Variants in ELFN1 observed in about 807,000 individuals in gnomAD.
ELFN1 encodes extracellular leucine rich repeat and fibronectin type III domain containing 1, also known as protein ELFN1.
ELFN1 carries 6 observed loss-of-function variants against 7.6 expected under a neutral mutation model. The ratio of observed to expected loss-of-function variants is 0.79; its 90% CI spans 0.43 to 1.56. The LOEUF is 1.56. ELFN1 is among the 40% of genes most tolerant of loss of function. The pLI is 0.01. For missense variants in ELFN1, 1,169 were observed against 1,232.2 expected (o/e 0.95, Z 0.77); for synonymous variants, 657 against 588.1 (o/e 1.12, Z -1.70).
chr7:1,747,129 A>C lies in ELFN1; in HGVS notation c.*46A>C. ...CCCACTGGACCAAAAAGGATGCAGG[A>C]TCCACCCAGAGACTCAGCACCAAAC... On this transcript the variant is annotated 3_prime_UTR_variant, in exon 4 of 4. Coordinates refer to ENST00000424383, the MANE Select transcript of ELFN1 (RefSeq NM_001128636.4). 7.0e-7 allele frequency: 1 copy of C among 1,433,458 alleles called. No homozygotes were observed. Among genetic ancestry groups the C allele is most frequent in the Non-Finnish European group, 9.2e-7 (1 of 1,087,872 alleles). The allele number at this position is 1,433,458 out of a possible 1,614,324, so 88.8% of individuals were successfully genotyped here.
rs760501758 is a variant in ELFN1, at chr7:1,746,174, G to A, written c.1578G>A (p.Met526Ile). 2 of 1,550,040 alleles carry A rather than the reference G, an allele frequency of 1.3e-6. No homozygotes were observed. Among genetic ancestry groups the A allele is most frequent in the Non-Finnish European group, 1.7e-6 (2 of 1,146,968 alleles). ...CCAAGGCCAGCAAGGGCAGCTACAT[G>A]GAGGTTCGAACCGGGGACCCTCCGG... is the stretch of plus-strand genomic sequence containing the variant. ...DTPKASKGSY[M>I]EVRTGDPPER... The change falls in exon 4 of 4, where the codon ATG becomes ATA. Residue 526 changes from methionine (M) to isoleucine (I), a missense_variant. Physicochemically the swap from Met to Ile is conservative, Grantham distance 10. Transcript: ENST00000424383.
At chr7:1,692,811 G>A (rs557336278) in intron 2 of ELFN1, 13 of 158,410 alleles carry the variant, frequency 8.2e-5, no homozygotes, top group Middle Eastern at 3.3e-3. Context: ...TTCCTTCATC[G>A]GAAACTACGG....
chr7:1,746,684 G>A lies in ELFN1; in HGVS notation c.2088G>A (p.Lys696=). Residue 696 remains lysine, a synonymous_variant, in exon 4 of 4, where the codon AAG becomes AAA. Transcript: ENST00000424383. ...AAAVLRAEAE[K]GRQYGEHRHS... ...CCGTGCTGCGGGCCGAGGCCGAGAA[G>A]GGTCGCCAGTACGGCGAGCACCGGC... 1 of 1,430,246 alleles carries A rather than the reference G, an allele frequency of 7.0e-7. No homozygotes were observed. Among genetic ancestry groups the A allele is most frequent in the Non-Finnish European group, 9.1e-7 (1 of 1,098,320 alleles). 88.6% of individuals were successfully genotyped at this position (1,430,246 alleles called of 1,614,324 possible).
At chr7:1,703,151 G>T (rs1028205835) in intron 2 of ELFN1, among the ~76,000 whole-genome samples, 1 of 152,184 alleles carries the variant, frequency 6.6e-6, no homozygotes, top group African/African-American at 2.4e-5. Flanking sequence ...TATACGGGAG[G>T]TTGAGCATTG....
At chr7:1,675,968 G>A (rs1583307366) in intron 1 of ELFN1, among the ~76,000 whole-genome samples, 1 of 152,134 alleles carries the variant, frequency 6.6e-6, no homozygotes, top group Non-Finnish European at 1.5e-5. Context: ...TGTCTCCTGG[G>A]CGTGGACTCT....
rs1447370336 is a variant in ELFN1, at chr7:1,746,927, G to T, written c.2331G>T (p.Trp777Cys). 6.5e-7 allele frequency: 1 copy of T among 1,549,802 alleles called. No individual in the cohort carries two copies. The highest frequency in any genetic ancestry group is 1.2e-5 in the South Asian group (1 of 83,692). Reference sequence around the variant, plus strand: ...CCTGCCGGGCCTCCCAGAGCATCTGGGAGCGCTTCAGACTGAGCCGCCGGC... The same window carrying T: ...CCTGCCGGGCCTCCCAGAGCATCTGTGAGCGCTTCAGACTGAGCCGCCGGC... ...EYTCRASQSI[W>C]ERFRLSRRRH... The change falls in exon 4 of 4, where the codon TGG becomes TGT. Residue 777 changes from tryptophan to cysteine, a missense_variant. By Grantham distance (215) the Trp-to-Cys change is radical. Around this residue, in one of 2 missense-constraint regions of ELFN1, gnomAD observed 914 missense variants for 872.6 expected, o/e 1.05. Transcript: ENST00000424383.
chr7:1,733,715 C>T (rs1412937634), intron 3 of ELFN1, among the ~76,000 whole-genome samples: 1 of 152,154 alleles, frequency 6.6e-6, no homozygotes, highest in Non-Finnish European at 1.5e-5. Flanking sequence ...CATTTCTAAC[C>T]TTCACCCCAA....
intron 3 of ELFN1, among the ~76,000 whole-genome samples, chr7:1,729,596 T>C (rs569243274): frequency 1.3e-5 from 2 of 152,308 alleles, no homozygotes; most frequent in South Asian, 4.1e-4. Flanking sequence ...CGGCTTCGCT[T>C]CTACCAGCGC....
intron 2 of ELFN1, among the ~76,000 whole-genome samples, chr7:1,688,979 AAT>A (rs1335395508): frequency 2.6e-5 from 4 of 152,236 alleles, no homozygotes; most frequent in Non-Finnish European, 4.4e-5. Context: ...ATAAGTCAAC[AAT>A]ATGTCAAAAA....
At chr7:1,694,044 A>C (rs1435230343) in intron 2 of ELFN1, 3 of 331,742 alleles carry the variant, frequency 9.0e-6, no homozygotes, top group South Asian at 8.0e-5. Context: ...AGGGCCACAG[A>C]CTCAGCAGGG....
At chr7:1,687,160 A>G (rs147678447) in intron 1 of ELFN1, among the ~76,000 whole-genome samples, 1 of 152,178 alleles carries the variant, frequency 6.6e-6, no homozygotes, top group Non-Finnish European at 1.5e-5. Context: ...AGCTTCAGGT[A>G]AGAACTCCAC....
At chr7:1,693,867 G>A (rs748888610) in intron 2 of ELFN1, 59 of 440,740 alleles carry the variant, frequency 1.3e-4, no homozygotes, top group Non-Finnish European at 2.5e-4. Flanking sequence ...TCCAGCAGGA[G>A]TGAGAGTGCT....
rs563131347 is a variant in ELFN1 at position 1,732,129 on chromosome 7, G to A, written c.-293-12175G>A. On this transcript the variant is annotated intron_variant, in intron 3 of 3. Coordinates refer to ENST00000424383, the MANE Select transcript of ELFN1 (RefSeq NM_001128636.4). ...GGGAATCAGAGCCTGGCAGCGTGGG[G>A]TCACAGCGGAGCAAGCACAGGCAGC... 2.6e-5 allele frequency among the ~76,000 whole-genome samples: 4 copies of A among 152,316 alleles called. No homozygotes were observed. The East Asian group carries it at 7.7e-4, about 29-fold the overall frequency.
chr7:1,674,219 G>A (rs1443844032), intron 1 of ELFN1, among the ~76,000 whole-genome samples: 3 of 152,034 alleles, frequency 2.0e-5, no homozygotes, highest in East Asian at 1.9e-4. Flanking sequence ...CCACTCCTCC[G>A]CTCCCTGCTC....
Position 1,704,458 on chromosome 7 carries a change from C to T in ELFN1, c.-455-4633C>T, listed in dbSNP as rs1195720700. 2.6e-5 allele frequency among the ~76,000 whole-genome samples: 4 copies of T among 152,304 alleles called. No homozygotes were observed. The East Asian group carries it at 5.8e-4, about 22-fold the overall frequency. The stretch of plus-strand genomic sequence containing the variant: ...AAGCACACCTGCATGCACACACACT[C>T]ATGCATGTGCACACGTGCTCACACA... On this transcript the variant is annotated intron_variant, in intron 2 of 3. Transcript: ENST00000424383.
At chr7:1,692,565 G>C (rs1276171667) in intron 2 of ELFN1, 1 of 152,490 alleles carries the variant, frequency 6.6e-6, no homozygotes, top group Non-Finnish European at 1.5e-5. Flanking sequence ...GCAACACCGT[G>C]GCACTTGAAA....
upstream of ELFN1, among the ~76,000 whole-genome samples, chr7:1,668,070 C>CA (rs1415339735): frequency 6.6e-6 from 1 of 152,098 alleles, no homozygotes; most frequent in East Asian, 1.9e-4. Flanking sequence ...CTGCTGGGGT[C>CA]CTGGCTCCTC....
Position 1,673,200 on chromosome 7 carries a change from A to G in ELFN1, c.-549+2846A>G, listed in dbSNP as rs1267953251. 6.6e-6 allele frequency among the ~76,000 whole-genome samples: 1 copy of G among 151,152 alleles called. No individual in the cohort carries two copies. Among genetic ancestry groups the G allele is most frequent in the South Asian group, 2.1e-4 (1 of 4,664 alleles). ...TGTGGGGGTGGCTGGTGGTGGAGCC[A>G]CTGCAGTGGACGATGGCGCCATCCA... On this transcript the variant is annotated intron_variant, in intron 1 of 3. Coordinates refer to ENST00000424383, the MANE Select transcript of ELFN1 (RefSeq NM_001128636.4). The surrounding 1 kb of genome is among the most constrained non-coding windows in gnomAD (Gnocchi z 4.7).
chr7:1,740,412 C>T lies in ELFN1; in HGVS notation c.-293-3892C>T, dbSNP rs1338243184. ...GCCCATGCGGGGTCTCCGCACCTGCCCTCCGTGCCAGACAGCACTCCTTTC... is the reference window on the plus strand; with the variant it reads ...GCCCATGCGGGGTCTCCGCACCTGCTCTCCGTGCCAGACAGCACTCCTTTC... On this transcript the variant is annotated intron_variant, in intron 3 of 3. Transcript: ENST00000424383. The surrounding 1 kb of genome is among the most constrained non-coding windows in gnomAD (Gnocchi z 5.0). Among the ~76,000 whole-genome samples the T allele has an allele frequency of 6.6e-6, 1 of 152,224 alleles. No individual in the cohort carries two copies. Among genetic ancestry groups the T allele is most frequent in the East Asian group, 1.9e-4 (1 of 5,202 alleles).
Sources: gnomAD v4.1 joint callset for allele counts (sites outside exome capture counted in the v4.1 genomes callset) on GRCh38, gnomAD v4.1.1 for gene constraint, gnomAD v4.1.1 regional missense constraint, Gnocchi (gnomAD v3.1) non-coding constraint, MANE v1.5 for transcripts, NCBI Gene and HGNC (gene_info 2026-07-23, HGNC 2026-07-21) for gene names.